The following PDE4A variants were observed in gnomAD, a reference collection of about 807,000 sequenced individuals.
PDE4A encodes phosphodiesterase 4A.
PDE4A carries 21 observed loss-of-function variants against 73.9 expected under a neutral mutation model. The ratio of observed to expected loss-of-function variants is 0.28; its 90% CI spans 0.20 to 0.41. The LOEUF is 0.41. Among genes scored for constraint, PDE4A ranks in the 10% least tolerant of loss-of-function variants. PDE4A has a pLI of 1.00. For synonymous variants in PDE4A, 463 were observed against 505.4 expected, an observed-to-expected ratio of 0.92 and a Z score of 1.13; for missense variants, 958 against 1,211.4, an observed-to-expected ratio of 0.79 and a Z score of 3.10.
rs762485767 is a variant in PDE4A at position 10,463,947 on chromosome 19, A to G, written c.1898A>G (p.Lys633Arg). 2 of 1,614,100 alleles carry G rather than the reference A, an allele frequency of 1.2e-6. No homozygotes were observed. The highest frequency in any genetic ancestry group is 8.5e-7 in the Non-Finnish European group (1 of 1,179,996). The change falls in exon 14 of 15, where the codon AAG becomes AGG. Residue 633 changes from lysine (K) to arginine (R), a missense_variant. Lys to Arg is a conservative substitution (Grantham distance 26). Transcript: ENST00000380702. ...ATGGAAATCAGCCCCATGTGTGACA[A>G]GCACACTGCCTCCGTGGAGAAGTCT... Reference protein sequence around the residue: ...RGMEISPMCDKHTASVEKSQV... With the variant: ...RGMEISPMCDRHTASVEKSQV...
At chr19:10,465,490 G>C (rs961980938) in intron 14 of PDE4A, among the ~76,000 whole-genome samples, 7 of 151,592 alleles carry the variant, frequency 4.6e-5, no homozygotes, top group South Asian at 2.1e-4. Flanking sequence ...AAAGTGCTGG[G>C]ATTACAGGCA....
At chr19:10,422,676 G>C (rs1253778852) in intron 1 of PDE4A, among the ~76,000 whole-genome samples, 1 of 151,984 alleles carries the variant, frequency 6.6e-6, no homozygotes, top group African/African-American at 2.4e-5. Context: ...CCCCACCTCT[G>C]TTCTGATCAC....
At chr19:10,435,099 T>G (rs2145484887) in intron 1 of PDE4A, among the ~76,000 whole-genome samples, 1 of 152,042 alleles carries the variant, frequency 6.6e-6, no homozygotes, top group Admixed American at 6.6e-5. Flanking sequence ...CTTGTTTGTG[T>G]CCCGTCAGTC....
intron 1 of PDE4A, chr19:10,427,769 G>A (rs1240493535): frequency 2.0e-6 from 2 of 977,926 alleles, no homozygotes; most frequent in African/African-American, 1.8e-5. Flanking sequence ...GTATTCCCAA[G>A]GGCTGATCTG....
Position 10,457,941 on chromosome 19 carries a change from C to G in PDE4A, c.940C>G (p.Pro314Ala), listed in dbSNP as rs758642480. Reference protein sequence around the residue: ...TMKEREKQQAPRPRPSQPPPP... With the variant: ...TMKEREKQQAARPRPSQPPPP... Reference sequence around the variant, plus strand: ...GAAGGAACGAGAAAAACAGCAAGCGCCGCGACCAAGACCCTCCCAGCCGCC... The same window carrying G: ...GAAGGAACGAGAAAAACAGCAAGCGGCGCGACCAAGACCCTCCCAGCCGCC... The change falls in exon 8 of 15, where the codon CCG (proline) becomes GCG (alanine). Residue 314 changes from proline to alanine, a missense_variant. By Grantham distance (27) the Pro-to-Ala change is conservative (BLOSUM62 -1). Around this residue, in one of 3 missense-constraint regions of PDE4A, gnomAD observed 570 missense variants for 827.7 expected, o/e 0.69. Coordinates refer to ENST00000380702, the MANE Select transcript of PDE4A (RefSeq NM_001111307.2). The G allele has an allele frequency of 2.5e-6, 4 of 1,613,306 alleles. No homozygotes were observed. The South Asian group carries it at 4.4e-5, about 18-fold the overall frequency.
chr19:10,457,992 C>T lies in PDE4A; in HGVS notation c.991C>T (p.Pro331Ser), dbSNP rs150660796. 2,157 of 1,613,950 alleles carry T rather than the reference C, an allele frequency of 1.3e-3. 61 individuals carry two copies. The Admixed American group carries it at 0.031, about 23-fold the overall frequency. Residue 331 changes from proline to serine, a missense_variant, in exon 8 of 15, where the codon CCC (proline) becomes TCC (serine). By Grantham distance (74) the Pro-to-Ser change is moderately conservative (BLOSUM62 -1). Coordinates refer to ENST00000380702, the MANE Select transcript of PDE4A (RefSeq NM_001111307.2). ...PPPPPVPHLQ[P>S]MSQITGLKKL... ...CCCGCCCCCTGTACCACACTTACAG[C>T]CCATGTCCCAAATCACAGGGTTGAA...
rs764952909 is a variant in PDE4A, at chr19:10,467,179, C to T, written c.2219C>T (p.Ser740Leu). ...AQEALTAQGL[S>L]GVEEALDATI... Reference sequence around the variant, plus strand: ...GAGGCATTGACTGCGCAGGGATTGTCAGGAGTCGAGGAAGCTCTGGATGCA... The same window carrying T: ...GAGGCATTGACTGCGCAGGGATTGTTAGGAGTCGAGGAAGCTCTGGATGCA... The change falls in exon 15 of 15, where the codon TCA (serine) becomes TTA (leucine). Residue 740 changes from serine to leucine, a missense_variant. Coordinates refer to ENST00000380702, the MANE Select transcript of PDE4A (RefSeq NM_001111307.2). The T allele has an allele frequency of 6.2e-6, 10 of 1,614,092 alleles. No individual in the cohort carries two copies. Among genetic ancestry groups the T allele is most frequent in the Admixed American group, 1.7e-5 (1 of 59,996 alleles).
chr19:10,455,188 CGCGGTG>C (rs962391789), intron 7 of PDE4A, among the ~76,000 whole-genome samples: 1 of 152,172 alleles, frequency 6.6e-6, no homozygotes, highest in African/African-American at 2.4e-5. Context: ...AAGCGCCGGG[CGCGGTG>C]GCTCACGCCT....
rs201185175 is a variant in PDE4A at position 10,469,234 on chromosome 19, G to A, written c.*1613G>A. The A allele has an allele frequency of 2.0e-5, 3 of 151,494 alleles. No homozygotes were observed. The highest frequency in any genetic ancestry group is 1.3e-4 in the Admixed American group (2 of 15,180). The allele number at this position is 151,494 out of a possible 1,614,324, so 9.4% of individuals were successfully genotyped here. On this transcript the variant is annotated 3_prime_UTR_variant, in exon 15 of 15. Transcript: ENST00000380702. ...AAGGTTGGTTTGTAAATTATTCTAC[G>A]GAGGCAAAAAGGGAAAATAAAAACT...
chr19:10,465,480 A>G (rs1258242120), intron 14 of PDE4A, among the ~76,000 whole-genome samples: 1 of 151,690 alleles, frequency 6.6e-6, no homozygotes, highest in Non-Finnish European at 1.5e-5. Context: ...TCGGCCTCCC[A>G]AAGTGCTGGG....
chr19:10,426,079 C>T (rs923477649), intron 1 of PDE4A, among the ~76,000 whole-genome samples: 3 of 151,118 alleles, frequency 2.0e-5, no homozygotes, highest in African/African-American at 7.3e-5. Flanking sequence ...GTGGCTCACA[C>T]CCAGCACTTT....
intron 1 of PDE4A, chr19:10,429,046 G>A (rs1176576657): frequency 1.1e-5 from 2 of 190,102 alleles, no homozygotes; most frequent in Non-Finnish European, 1.9e-5. Context: ...CAGAGGTTGC[G>A]GTGAGCCAAG....
chr19:10,464,101 T>A lies in PDE4A; in HGVS notation c.1926+126T>A, dbSNP rs148871325. 553 of 1,296,084 alleles carry A rather than the reference T, an allele frequency of 4.3e-4. 1 individual carries two copies. The African/African-American group carries it at 6.6e-3, about 15-fold the overall frequency. 80.3% of individuals were successfully genotyped at this position (1,296,084 alleles called of 1,614,324 possible). On this transcript the variant is annotated intron_variant, in intron 14 of 14. Coordinates refer to ENST00000380702, the MANE Select transcript of PDE4A (RefSeq NM_001111307.2). ...CAATGCCAAGTTGTCCTGTTTTTGG[T>A]TTTGTTTTGTTTTTGAGACGGAGTC...
chr19:10,435,287 T>C (rs1001833914), intron 1 of PDE4A, among the ~76,000 whole-genome samples: 1 of 152,020 alleles, frequency 6.6e-6, no homozygotes, highest in South Asian at 2.1e-4. Context: ...CCAGATGCAG[T>C]GGTCATGCCT....
In PDE4A at chr19:10,455,291, C is replaced by T. The variant is rs143599579; in HGVS notation, c.877+369C>T. 6.2e-3 allele frequency among the ~76,000 whole-genome samples: 945 copies of T among 152,150 alleles called. 10 individuals carry two copies. Among genetic ancestry groups the T allele is most frequent in the African/African-American group, 0.022 (894 of 41,502 alleles). On this transcript the variant is annotated intron_variant, in intron 7 of 14. Coordinates refer to ENST00000380702, the MANE Select transcript of PDE4A (RefSeq NM_001111307.2). ...CTGCCTGGCCAACATGGTGAAACCCCATCTCTACTAAAAATACAAAAAATT... is the reference window on the plus strand; with the variant it reads ...CTGCCTGGCCAACATGGTGAAACCCTATCTCTACTAAAAATACAAAAAATT...
At chr19:10,456,905 A>G (rs1018941867) in intron 7 of PDE4A, among the ~76,000 whole-genome samples, 2 of 152,096 alleles carry the variant, frequency 1.3e-5, no homozygotes, top group Non-Finnish European at 2.9e-5. Context: ...CAAGCTCAAG[A>G]AAAGTGTTGG....
At chr19:10,434,578 T>C (rs2042839316) in intron 1 of PDE4A, among the ~76,000 whole-genome samples, 1 of 151,246 alleles carries the variant, frequency 6.6e-6, no homozygotes, top group Non-Finnish European at 1.5e-5. Context: ...GCATGTGGTC[T>C]TCACATAAGT....
intron 1 of PDE4A, among the ~76,000 whole-genome samples, chr19:10,440,173 C>G (rs1460416894): frequency 6.6e-6 from 1 of 151,720 alleles, no homozygotes; most frequent in Non-Finnish European, 1.5e-5. Context: ...CTAGTAGAGA[C>G]AGGGTTTCGG....
intron 2 of PDE4A, among the ~76,000 whole-genome samples, chr19:10,448,493 G>C (rs2043044140): frequency 6.6e-6 from 1 of 151,642 alleles, no homozygotes; most frequent in Admixed American, 6.6e-5. Flanking sequence ...AAAAATTAGT[G>C]GGGCGAGAGG....
Sources: allele counts gnomAD v4.1 joint callset (sites outside exome capture counted in the v4.1 genomes callset), GRCh38; gene constraint gnomAD v4.1.1; regional missense constraint gnomAD v4.1.1; transcripts MANE v1.5; gene names NCBI Gene and HGNC (gene_info 2026-07-23, HGNC 2026-07-21).